The following CACHD1 variants were observed in gnomAD, a reference collection of about 807,000 sequenced individuals.
CACHD1 encodes cache domain containing 1.
In CACHD1, 71 loss-of-function variants were observed where a neutral mutation model predicts 138.7. The ratio of observed to expected loss-of-function variants is 0.51; its 90% CI spans 0.42 to 0.62. The LOEUF (loss-of-function observed/expected upper bound fraction) is 0.62. CACHD1 is among the 20% of genes least tolerant of loss of function. CACHD1 has a pLI of 0.00. For missense variants in CACHD1, 1,389 were observed against 1,625.3 expected, an observed-to-expected ratio of 0.85 and a Z score of 2.50; for synonymous variants, 578 against 591.5, an observed-to-expected ratio of 0.98 and a Z score of 0.33.
At chr1:64,649,146 A>C (rs1392214991) in intron 9 of CACHD1, among the ~76,000 whole-genome samples, 1 of 152,226 alleles carries the variant, frequency 6.6e-6, no homozygotes, top group Non-Finnish European at 1.5e-5. Flanking sequence ...TTTTCTAGAA[A>C]CTAGGTAGAC....
At chr1:64,506,483 A>G (rs187100477) in intron 1 of CACHD1, 2 of 152,386 alleles carry the variant, frequency 1.3e-5, no homozygotes, top group African/African-American at 4.8e-5. Context: ...CCAACCACCA[A>G]TGAGGTAAGT....
intron 2 of CACHD1, among the ~76,000 whole-genome samples, chr1:64,570,956 C>G (rs1307501112): frequency 6.6e-6 from 1 of 152,100 alleles, no homozygotes; most frequent in Non-Finnish European, 1.5e-5. Context: ...TGGATCAACA[C>G]TTACAGCTAT....
chr1:64,684,957 A>C (rs951862545), intron 26 of CACHD1, among the ~76,000 whole-genome samples: 5 of 152,078 alleles, frequency 3.3e-5, no homozygotes, highest in Non-Finnish European at 5.9e-5. Flanking sequence ...TTACAGGCAC[A>C]TGCCACCATG....
In CACHD1 at chr1:64,550,156, A is replaced by G. The variant is rs534536097; in HGVS notation, c.199-438A>G. 5.3e-4 allele frequency among the ~76,000 whole-genome samples: 80 copies of G among 152,342 alleles called. 3 individuals are homozygous for G. In the South Asian group the frequency reaches 0.011, roughly 21 times the overall value. On this transcript the variant is annotated intron_variant, in intron 1 of 26. Transcript: ENST00000651257. Reference sequence around the variant, plus strand: ...ACGAAGGTGATAGATAATATTGGGTAGGTACTGACTGAACAGGGACATGAG... The same window carrying G: ...ACGAAGGTGATAGATAATATTGGGTGGGTACTGACTGAACAGGGACATGAG...
chr1:64,564,304 C>T (rs1357953202), intron 2 of CACHD1, among the ~76,000 whole-genome samples: 5 of 152,062 alleles, frequency 3.3e-5, no homozygotes, highest in Admixed American at 6.6e-5. Context: ...CTTTTATTAC[C>T]GACTTTTTAT....
chr1:64,647,629 T>TG (rs1317472530), intron 8 of CACHD1, among the ~76,000 whole-genome samples, 172 bp from the exon 9 acceptor site: 3 of 152,204 alleles, frequency 2.0e-5, no homozygotes, highest in African/African-American at 7.2e-5. Context: ...GCCTCAGGCT[T>TG]TGTTTCCTCA....
intron 1 of CACHD1, among the ~76,000 whole-genome samples, chr1:64,543,070 AT>A (rs1215042398): frequency 6.6e-6 from 1 of 152,006 alleles, no homozygotes; most frequent in Non-Finnish European, 1.5e-5. Context: ...TTAACAATAA[AT>A]TTTTTATATA....
intron 16 of CACHD1, among the ~76,000 whole-genome samples, chr1:64,668,190 G>A (rs141519000): frequency 0.016 from 2,434 of 152,242 alleles, 67 homozygotes; most frequent in African/African-American, 0.056. Context: ...AGCTGGGCAT[G>A]GAGGCGCATG....
chr1:64,514,097 C>T (rs775610422), intron 1 of CACHD1, among the ~76,000 whole-genome samples: 1 of 152,224 alleles, frequency 6.6e-6, no homozygotes, highest in Non-Finnish European at 1.5e-5. Flanking sequence ...CATTTCCATC[C>T]GTGTTTTACT....
At chr1:64,636,155 A>G (rs913461888) in intron 7 of CACHD1, among the ~76,000 whole-genome samples, 1 of 152,136 alleles carries the variant, frequency 6.6e-6, no homozygotes, top group African/African-American at 2.4e-5. Flanking sequence ...TTGTTTGAAA[A>G]TATTAATGTA....
At chr1:64,517,877 C>T (rs1646470534) in intron 1 of CACHD1, among the ~76,000 whole-genome samples, 1 of 152,168 alleles carries the variant, frequency 6.6e-6, no homozygotes, top group South Asian at 2.1e-4. Context: ...CCTGCCTACT[C>T]TATGTCATTG....
intron 1 of CACHD1, among the ~76,000 whole-genome samples, chr1:64,490,350 C>T (rs761819057): frequency 2.7e-5 from 4 of 145,930 alleles, no homozygotes; most frequent in South Asian, 2.3e-4. Context: ...ACAGGGTTTT[C>T]GTTAATAGAA....
In CACHD1 at chr1:64,634,325, T is replaced by C. The variant is rs374087678; in HGVS notation, c.1006+65T>C. 7.6e-6 allele frequency: 8 copies of C among 1,052,158 alleles called. No individual in the cohort carries two copies. In the African/African-American group the frequency reaches 1.1e-4, roughly 14 times the overall value. The allele number at this position is 1,052,158 out of a possible 1,614,324, so 65.2% of individuals were successfully genotyped here. ...TAAAGATGGCAATAGGAATATATTG[T>C]AAATTGATCACACAATGATGTTTAG... On this transcript the variant is annotated intron_variant, in intron 7 of 26. Coordinates refer to ENST00000651257, the MANE Select transcript of CACHD1 (RefSeq NM_020925.4).
intron 2 of CACHD1, among the ~76,000 whole-genome samples, chr1:64,553,194 C>T (rs574769327): frequency 6.6e-6 from 1 of 152,300 alleles, no homozygotes; most frequent in South Asian, 2.1e-4. Context: ...AATAAAAGCT[C>T]ATATTTACGC....
intron 3 of CACHD1, among the ~76,000 whole-genome samples, chr1:64,589,593 CAA>C (rs769315114): frequency 1.4e-4 from 22 of 151,896 alleles, no homozygotes; most frequent in Non-Finnish European, 2.6e-4. Flanking sequence ...GCTGGAGACT[CAA>C]AGGAGAGTTG....
Position 64,655,345 on chromosome 1 carries a change from C to T in CACHD1, c.1782+542C>T, listed in dbSNP as rs367929957. 2.4e-4 allele frequency among the ~76,000 whole-genome samples: 37 copies of T among 152,194 alleles called. No homozygotes were observed. The East Asian group carries it at 4.1e-3, about 17-fold the overall frequency. ...ATATATATTTGTGTGTGTGTGTATA[C>T]GCTCACCCACGGCTTTAATGGCTAT... On this transcript the variant is annotated intron_variant, in intron 12 of 26. Coordinates refer to ENST00000651257, the MANE Select transcript of CACHD1 (RefSeq NM_020925.4).
chr1:64,683,764 TC>T (rs1330771366), intron 26 of CACHD1, among the ~76,000 whole-genome samples: 8 of 152,164 alleles, frequency 5.3e-5, no homozygotes, highest in African/African-American at 1.9e-4. Flanking sequence ...GCATTGACAC[TC>T]CCCATATTCC....
intron 1 of CACHD1, among the ~76,000 whole-genome samples, chr1:64,491,059 G>A (rs1224537692): frequency 2.0e-5 from 3 of 152,192 alleles, no homozygotes; most frequent in East Asian, 1.9e-4. Flanking sequence ...GTCTAAAATC[G>A]AGAGACCAGT....
rs75325541 is a variant in CACHD1 at position 64,545,738 on chromosome 1, T to G, written c.199-4856T>G. ...CAAGGTGTATACCAAGGATTGGAAT[T>G]GCTGAGTCATAAATATCCATATAAT... is the stretch of plus-strand genomic sequence containing the variant. On this transcript the variant is annotated intron_variant, in intron 1 of 26. Transcript: ENST00000651257. Among the ~76,000 whole-genome samples, 757 of 152,316 alleles carry G rather than the reference T, an allele frequency of 5.0e-3. 5 individuals are homozygous for G. The highest frequency in any genetic ancestry group is 0.017 in the African/African-American group (720 of 41,564).
Sources: allele counts gnomAD v4.1 joint callset (sites outside exome capture counted in the v4.1 genomes callset), GRCh38; gene constraint gnomAD v4.1.1; transcripts MANE v1.5; gene names NCBI Gene and HGNC (gene_info 2026-07-23, HGNC 2026-07-21).